The following THBS3 variants were observed in gnomAD, a reference collection of about 807,000 sequenced individuals.
THBS3 encodes the protein thrombospondin 3, also known as thrombospondin-3.
A neutral mutation model predicts 118.3 loss-of-function variants in THBS3; 78 were observed. The observed-to-expected ratio is 0.66, with a 90% confidence interval of 0.55 to 0.80. The LOEUF (loss-of-function observed/expected upper bound fraction) is 0.80. Among genes scored for constraint, THBS3 ranks in the 30% least tolerant of loss-of-function variants. The pLI is 0.00. For synonymous variants in THBS3, 427 were observed against 475.3 expected (o/e 0.90, Z 1.32); for missense variants, 1,057 against 1,247.4 (o/e 0.85, Z 2.30).
At chr1:155,207,738 G>T in intron 1 of THBS3, 60 bp downstream of exon 1, 1 of 1,564,310 alleles carries the variant, frequency 6.4e-7, no homozygotes, top group Non-Finnish European at 8.8e-7. Context: ...TCTGCTACTT[G>T]GGCTGAGGGC....
intron 4 of THBS3, among the ~76,000 whole-genome samples, chr1:155,203,881 AG>A (rs1028230382): frequency 1.3e-5 from 2 of 148,238 alleles, no homozygotes; most frequent in Admixed American, 1.3e-4. Flanking sequence ...TCTGTTTCCC[AG>A]GCTGGAATGC....
upstream of THBS3, chr1:155,207,978 G>C (rs554054340): frequency 4.3e-5 from 32 of 747,458 alleles, no homozygotes; most frequent in African/African-American, 1.6e-4. Flanking sequence ...AGAATTGGAG[G>C]GGGGGCCAGC....
At chr1:155,208,941 C>T (rs749607249), upstream of THBS3, 4 of 1,610,164 alleles carry the variant, frequency 2.5e-6, no homozygotes, top group Non-Finnish European at 3.4e-6. Context: ...TCTCCAGAGC[C>T]TGCCGCGCCT....
chr1:155,202,752 G>T lies in THBS3; in HGVS notation c.957+60C>A. ...ACCAGCATTTATCCCACCCTCTTGG[G>T]TGCCTCCTGACATCCTCACCCCAGT... On this transcript the variant is annotated intron_variant, in intron 8 of 22. Coordinates refer to ENST00000368378, the MANE Select transcript of THBS3 (RefSeq NM_007112.5). The surrounding 1 kb of genome is among the most constrained non-coding windows in gnomAD (Gnocchi z 5.5). The T allele has an allele frequency of 6.4e-7, 1 of 1,556,370 alleles. No homozygotes were observed. Among genetic ancestry groups the T allele is most frequent in the Non-Finnish European group, 8.7e-7 (1 of 1,150,176 alleles).
At position 155,198,612 on chromosome 1, in the gene THBS3, A is replaced by G. The variant is rs1428533366; in HGVS notation, c.1881-10T>C. 1 of 1,613,260 alleles carries G rather than the reference A, an allele frequency of 6.2e-7. No homozygotes were observed. The highest frequency in any genetic ancestry group is 1.7e-5 in the Admixed American group (1 of 60,000). ...ATGCCCATCCCCATCGCTAATCAGAAGAACAGGTACCAAATAAAGGATTTA... is the reference window on the plus strand; with the variant it reads ...ATGCCCATCCCCATCGCTAATCAGAGGAACAGGTACCAAATAAAGGATTTA... On this transcript the variant is annotated splice_polypyrimidine_tract_variant and intron_variant, in intron 16 of 22. Coordinates refer to ENST00000368378, the MANE Select transcript of THBS3 (RefSeq NM_007112.5).
chr1:155,206,475 C>G lies in THBS3; in HGVS notation c.80-69G>C, dbSNP rs1351669763. Reference sequence around the variant, plus strand: ...GCTAAGGTATGCCCTCCCCCGAGCCCACATCACCCCCTACCCCCACCACCA... The same window carrying G: ...GCTAAGGTATGCCCTCCCCCGAGCCGACATCACCCCCTACCCCCACCACCA... On this transcript the variant is annotated intron_variant, in intron 1 of 22. Coordinates refer to ENST00000368378, the MANE Select transcript of THBS3 (RefSeq NM_007112.5). The surrounding 1 kb of genome is among the most constrained non-coding windows in gnomAD (Gnocchi z 4.2). The G allele has an allele frequency of 7.3e-7, 1 of 1,376,330 alleles. No homozygotes were observed. The highest frequency in any genetic ancestry group is 1.0e-6 in the Non-Finnish European group (1 of 993,270). The allele number at this position is 1,376,330 out of a possible 1,614,324, so 85.3% of individuals were successfully genotyped here.
At chr1:155,200,194 G>T in intron 14 of THBS3, 81 bp from the exon 15 acceptor site, 2 of 1,301,610 alleles carry the variant, frequency 1.5e-6, no homozygotes, top group South Asian at 1.4e-5. Flanking sequence ...CCCGAACTTT[G>T]TCTCCCCACC....
Position 155,198,088 on chromosome 1 carries a change from G to A in THBS3, c.2207C>T (p.Pro736Leu). The A allele has an allele frequency of 6.2e-7, 1 of 1,614,160 alleles. No individual in the cohort carries two copies. The highest frequency in any genetic ancestry group is 8.5e-7 in the Non-Finnish European group (1 of 1,180,040). The change falls in exon 18 of 23, where the codon CCT (proline) becomes CTT (leucine). Residue 736 changes from proline to leucine, a missense_variant. Physicochemically the swap from Pro to Leu is moderately conservative, Grantham distance 98. Coordinates refer to ENST00000368378, the MANE Select transcript of THBS3 (RefSeq NM_007112.5). Reference protein sequence around the residue: ...FRAYQTVVLDPEGDAQIDPNW... With the variant: ...FRAYQTVVLDLEGDAQIDPNW... ...TGGGTCAATCTGAGCATCACCCTCAGGATCCAGGACGACGGTCTGATAGGC... is the reference window on the plus strand; with the variant it reads ...TGGGTCAATCTGAGCATCACCCTCAAGATCCAGGACGACGGTCTGATAGGC...
rs1039865739 is a variant in THBS3 at position 155,206,719 on chromosome 1, G to A, written c.80-313C>T. ...TAGCCGGGCGTGGTGGCGGGCACCT[G>A]TAATCCCAGCTACTCAGGAGGCTGA... On this transcript the variant is annotated intron_variant, in intron 1 of 22. Transcript: ENST00000368378. This position sits in a 1 kb window ranked among gnomAD's most constrained non-coding sequence, Gnocchi z 4.2. Among the ~76,000 whole-genome samples, 2 of 152,080 alleles carry A rather than the reference G, an allele frequency of 1.3e-5. No homozygotes were observed. The highest frequency in any genetic ancestry group is 2.9e-5 in the Non-Finnish European group (2 of 68,006).
At chr1:155,203,602 G>A in intron 4 of THBS3, 63 bp from the exon 5 acceptor site, 1 of 1,595,882 alleles carries the variant, frequency 6.3e-7, no homozygotes, top group South Asian at 1.1e-5. Flanking sequence ...CCTGGTTGGT[G>A]AGAAGGAGGA....
rs1300897855 is a variant in THBS3, at chr1:155,200,337, G to A, written c.1708+114C>T. Reference sequence around the variant, plus strand: ...GTAATCTCTCCTCACCCAGGCCAACGTCCACAAGCCTGCCTCCCTATTTCA... The same window carrying A: ...GTAATCTCTCCTCACCCAGGCCAACATCCACAAGCCTGCCTCCCTATTTCA... On this transcript the variant is annotated intron_variant, in intron 14 of 22. Transcript: ENST00000368378. The A allele has an allele frequency of 1.2e-5, 17 of 1,385,108 alleles. No homozygotes were observed. The South Asian group carries it at 1.7e-4, about 14-fold the overall frequency. The allele number at this position is 1,385,108 out of a possible 1,614,324, so 85.8% of individuals were successfully genotyped here.
Position 155,205,040 on chromosome 1 carries a change from A to C in THBS3, c.543+20T>G, listed in dbSNP as rs536566059. 47 of 1,612,870 alleles carry C rather than the reference A, an allele frequency of 2.9e-5. 1 individual carries two copies. The South Asian group carries it at 4.8e-4, about 17-fold the overall frequency. ...TGCAAACTCTATTTCCACAGAACTC[A>C]GAGGCTCCTCCCGGCTCACCTGCAT... On this transcript the variant is annotated intron_variant, in intron 3 of 22. Coordinates refer to ENST00000368378, the MANE Select transcript of THBS3 (RefSeq NM_007112.5).
At position 155,197,331 on chromosome 1, in the gene THBS3, C is replaced by A; in HGVS notation, c.2500-118G>T. The A allele has an allele frequency of 6.6e-7, 1 of 1,522,510 alleles. No individual in the cohort carries two copies. 94.3% of individuals were successfully genotyped at this position (1,522,510 alleles called of 1,614,324 possible). A position where few individuals can be genotyped will look rare whatever the true frequency, so the allele number is the denominator to read the frequency against. ...GGCGGTCATGAAAATGCCCTGGGGC[C>A]CCAGAGAGCCGGCCTCCAAGCCAGA... is the stretch of plus-strand genomic sequence containing the variant. On this transcript the variant is annotated intron_variant, in intron 20 of 22. Coordinates refer to ENST00000368378, the MANE Select transcript of THBS3 (RefSeq NM_007112.5). The surrounding 1 kb of genome is among the most constrained non-coding windows in gnomAD (Gnocchi z 5.0).
chr1:155,203,989 C>G (rs892504623), intron 4 of THBS3, among the ~76,000 whole-genome samples: 2 of 152,116 alleles, frequency 1.3e-5, no homozygotes, highest in Non-Finnish European at 2.9e-5. Context: ...AGGTGCCCAC[C>G]ACCATGCCCA....
Position 155,197,344 on chromosome 1 carries a change from C to A in THBS3, c.2499+119G>T. 2 of 1,519,512 alleles carry A rather than the reference C, an allele frequency of 1.3e-6. No individual in the cohort carries two copies. Among genetic ancestry groups the A allele is most frequent in the Non-Finnish European group, 1.8e-6 (2 of 1,118,974 alleles). The allele number at this position is 1,519,512 out of a possible 1,614,324, so 94.1% of individuals were successfully genotyped here. On this transcript the variant is annotated intron_variant, in intron 20 of 22. Transcript: ENST00000368378. The surrounding 1 kb of genome is among the most constrained non-coding windows in gnomAD (Gnocchi z 5.0). ...ATGCCCTGGGGCCCCAGAGAGCCGG[C>A]CTCCAAGCCAGATGTCTGGGTAAGA...
At chr1:155,198,287 G>A (rs1669037214) in intron 17 of THBS3, 67 bp from the exon 18 acceptor site, 1 of 1,596,802 alleles carries the variant, frequency 6.3e-7, no homozygotes, top group Non-Finnish European at 8.6e-7. Flanking sequence ...AATACCATCT[G>A]TTGGGCCTGC....
upstream of THBS3, among the ~76,000 whole-genome samples, chr1:155,208,207 T>C (rs1343528736): frequency 6.6e-6 from 1 of 151,640 alleles, no homozygotes; most frequent in African/African-American, 2.4e-5. Flanking sequence ...GAAGCCACGA[T>C]TGTGGAAGGC....
At position 155,205,191 on chromosome 1, in the gene THBS3, C is replaced by T. The variant is rs1168549963; in HGVS notation, c.412G>A (p.Ala138Thr). ...RLRGPSRPSP[A>T]LHLYVDCKLG... ...TTGCAGTCCACGTAGAGATGTAGGG[C>T]AGGGCTGGGTCTGGAGGGACCTCGG... Residue 138 changes from alanine to threonine, a missense_variant, in exon 3 of 23, where the codon GCC becomes ACC. Around this residue, in one of 3 missense-constraint regions of THBS3, gnomAD observed 206 missense variants for 205.7 expected, o/e 1.00. Transcript: ENST00000368378. 1.9e-6 allele frequency: 3 copies of T among 1,614,194 alleles called. No homozygotes were observed. In the Admixed American group the frequency reaches 5.0e-5, roughly 27 times the overall value.
In THBS3 at chr1:155,207,837, G is replaced by T; in HGVS notation, c.40C>A (p.Leu14Ile). ...QELRGALALL[L>I]LCFFTSASQD... ...CTGGCAGATGTGAAAAAGCAAAGGA[G>T]GAGAAGAGCCAGGGCCCCCCGAAGT... The change falls in exon 1 of 23, where the codon CTC becomes ATC. Residue 14 changes from leucine (L) to isoleucine (I), a missense_variant. This residue lies in a region of THBS3 where 206 missense variants were observed against 205.7 expected (regional missense o/e 1.00). Transcript: ENST00000368378. 6.2e-7 allele frequency: 1 copy of T among 1,614,064 alleles called. No individual in the cohort carries two copies. Among genetic ancestry groups the T allele is most frequent in the Non-Finnish European group, 8.5e-7 (1 of 1,180,014 alleles).
Sources: gnomAD v4.1 joint callset for allele counts (sites outside exome capture counted in the v4.1 genomes callset) on GRCh38, gnomAD v4.1.1 for gene constraint, gnomAD v4.1.1 regional missense constraint, Gnocchi (gnomAD v3.1) non-coding constraint, MANE v1.5 for transcripts, NCBI Gene and HGNC (gene_info 2026-07-23, HGNC 2026-07-21) for gene names.